Variants in EXD3 observed in about 807,000 individuals in gnomAD.
EXD3 encodes exonuclease mut-7 homolog.
Under a neutral mutation model 98.0 loss-of-function variants are expected in EXD3, and 92 were observed. The observed-to-expected ratio is 0.94, with a 90% CI of 0.79 to 1.12. The LOEUF (loss-of-function observed/expected upper bound fraction) is 1.12. Ranked by LOEUF, EXD3 falls within the 50% of genes most tolerant of loss-of-function variation. The pLI is 0.00. For missense variants in EXD3, 1,222 were observed against 1,191.6 expected (o/e 1.03, Z -0.38); for synonymous variants, 569 against 526.0 (o/e 1.08, Z -1.12).
chr9:137,309,384 TACC>T (rs1411353515), intron 20 of EXD3, among the ~76,000 whole-genome samples: 2 of 152,190 alleles, frequency 1.3e-5, no homozygotes, highest in African/African-American at 2.4e-5. Context: ...TCTGGTCTGC[TACC>T]ACACAGAAGG....
intron 1 of EXD3, among the ~76,000 whole-genome samples, chr9:137,411,736 AG>A (rs1223017710): frequency 0.057 from 199 of 3,466 alleles, 1 homozygote; most frequent in African/African-American, 0.16. Context: ...GGGGAGGGGG[AG>A]GGGGTGGGGG....
chr9:137,408,671 C>T (rs2131817836), intron 1 of EXD3, among the ~76,000 whole-genome samples: 1 of 152,174 alleles, frequency 6.6e-6, no homozygotes, highest in East Asian at 1.9e-4. Context: ...GCCCCTCAGA[C>T]CAATGGTAAC....
At chr9:137,419,966 T>G (rs1022551405) in intron 1 of EXD3, among the ~76,000 whole-genome samples, 2 of 152,084 alleles carry the variant, frequency 1.3e-5, no homozygotes, top group African/African-American at 2.4e-5. Flanking sequence ...GAGACCATCC[T>G]GGCTAATACG....
intron 17 of EXD3, among the ~76,000 whole-genome samples, chr9:137,332,020 T>C (rs1359824079): frequency 1.3e-5 from 2 of 152,106 alleles, no homozygotes; most frequent in Non-Finnish European, 2.9e-5. Context: ...AACCTAGGAA[T>C]GTACTTAACC....
chr9:137,377,445 TAAAAAAAAA>T (rs60776134), intron 3 of EXD3, among the ~76,000 whole-genome samples: 1 of 94,490 alleles, frequency 1.1e-5, no homozygotes, highest in Non-Finnish European at 2.2e-5. Context: ...ACTCTGTCTC[TAAAAAAAAA>T]AAAAAAAAGG....
chr9:137,330,480 A>G (rs1402242175), intron 17 of EXD3, among the ~76,000 whole-genome samples: 3 of 142,524 alleles, frequency 2.1e-5, no homozygotes, highest in African/African-American at 5.6e-5. Flanking sequence ...CAAAGGAGCT[A>G]CACAGGAGCT....
Position 137,354,342 on chromosome 9 carries a change from CACATGGT to C in EXD3, c.860_866del (p.Asp287GlyfsTer68). Reference sequence around the variant, plus strand: ...ACAGGCAAGGGCACGAACTCACCTGCACATGGTCGGTCCAGTTCTCCTGTGACAGGCT... The same window carrying C: ...ACAGGCAAGGGCACGAACTCACCTGCCGGTCCAGTTCTCCTGTGACAGGCT... On this transcript the variant is annotated frameshift_variant, in exon 10 of 22. Coordinates refer to ENST00000340951, the MANE Select transcript of EXD3 (RefSeq NM_017820.5). LOFTEE classifies it high-confidence loss of function. 1 of 1,612,386 alleles carries C rather than the reference CACATGGT, an allele frequency of 6.2e-7. No individual in the cohort carries two copies.
At chr9:137,348,442 T>TG (rs1365491088) in intron 16 of EXD3, among the ~76,000 whole-genome samples, 1 of 103,942 alleles carries the variant, frequency 9.6e-6, no homozygotes, top group Non-Finnish European at 1.9e-5. Context: ...GTGCTCATGC[T>TG]GGGGGGGCTC....
chr9:137,421,188 G>A (rs1267271966), intron 1 of EXD3, among the ~76,000 whole-genome samples: 5 of 152,128 alleles, frequency 3.3e-5, no homozygotes, highest in South Asian at 4.1e-4. Context: ...CATGTGTAGG[G>A]TCTGTCTCCT....
At chr9:137,399,931 G>A (rs1404220210) in intron 1 of EXD3, among the ~76,000 whole-genome samples, 5 of 151,816 alleles carry the variant, frequency 3.3e-5, no homozygotes, top group Admixed American at 2.0e-4. Context: ...CTCAGGAGGC[G>A]GAGAAAGGCG....
chr9:137,371,038 G>T lies in EXD3; in HGVS notation c.462+1867C>A, dbSNP rs1047640490. On this transcript the variant is annotated intron_variant, in intron 5 of 21. Transcript: ENST00000340951. The surrounding 1 kb of genome is among the most constrained non-coding windows in gnomAD (Gnocchi z 8.0). ...AGCAGTGGAGCATGCATCGCCTGCC[G>T]GGCGGCCCCGCTCGGGGACAATGGC... is the stretch of plus-strand genomic sequence containing the variant. Among the ~76,000 whole-genome samples, 2 of 152,172 alleles carry T rather than the reference G, an allele frequency of 1.3e-5. No individual in the cohort carries two copies. The highest frequency in any genetic ancestry group is 4.8e-5 in the African/African-American group (2 of 41,444).
At chr9:137,399,054 C>T (rs189200533) in intron 1 of EXD3, among the ~76,000 whole-genome samples, 1 of 152,194 alleles carries the variant, frequency 6.6e-6, no homozygotes, top group Admixed American at 6.5e-5. Flanking sequence ...ACAGACTGTC[C>T]CTGTGGCACA....
chr9:137,308,375 C>T (rs529524241), intron 20 of EXD3, among the ~76,000 whole-genome samples: 3 of 152,130 alleles, frequency 2.0e-5, no homozygotes, highest in African/African-American at 7.2e-5. Context: ...AGGCCATGAC[C>T]CTCATCTGGC....
rs749776822 is a variant in EXD3 at position 137,351,394 on chromosome 9, T to C, written c.1308A>G (p.Pro436=). 1.2e-6 allele frequency: 2 copies of C among 1,610,540 alleles called. No homozygotes were observed. The highest frequency in any genetic ancestry group is 1.7e-4 in the Middle Eastern group (1 of 6,052). ...AGGCCTGGGCTCCCTGCCCTGTTGG[T>C]GGCTGCGAGAGTGCCAGGACGTCCA... ...FLLDVLALSQ[P]PTGQGAQAFS... The change falls in exon 13 of 22, where the codon CCA becomes CCG. Residue 436 remains proline, a synonymous_variant. Transcript: ENST00000340951.
chr9:137,373,659 C>T, intron 3 of EXD3, 60 bp from the exon 4 acceptor site: 1 of 1,498,798 alleles, frequency 6.7e-7, no homozygotes, highest in East Asian at 2.4e-5. Context: ...CCTGGCAAGG[C>T]CTCCCCACCG....
At chr9:137,412,858 G>C (rs926011492) in intron 1 of EXD3, among the ~76,000 whole-genome samples, 1 of 151,644 alleles carries the variant, frequency 6.6e-6, no homozygotes, top group African/African-American at 2.4e-5. Context: ...GCTCACGGCA[G>C]CCTCAATCTC....
Position 137,324,047 on chromosome 9 carries a change from A to C in EXD3, c.2052+43T>G. The stretch of plus-strand genomic sequence containing the variant: ...TGGCCGAGGGGCTGGGGGCTTGGGA[A>C]GATGGGGCTCAGGCCCACTGAGCTT... On this transcript the variant is annotated intron_variant, in intron 18 of 21. Coordinates refer to ENST00000340951, the MANE Select transcript of EXD3 (RefSeq NM_017820.5). The surrounding 1 kb of genome is among the most constrained non-coding windows in gnomAD (Gnocchi z 4.1). 6.4e-7 allele frequency: 1 copy of C among 1,562,010 alleles called. No homozygotes were observed. The highest frequency in any genetic ancestry group is 8.7e-7 in the Non-Finnish European group (1 of 1,152,764).
In EXD3 at chr9:137,307,176, G is replaced by A. The variant is rs769199276; in HGVS notation, c.2405C>T (p.Pro802Leu). ...CCGGGTGCCGTCGGCCAGCATGTCC[G>A]GTGTCTCCGCCCGCAGGTCAGCCAT... ...LQMADLRAET[P>L]DMLADGTRLQ... is the part of the protein sequence containing the mutation. Residue 802 changes from proline (P) to leucine (L), a missense_variant, in exon 22 of 22, where the codon CCG becomes CTG. Pro to Leu is a moderately conservative substitution (Grantham distance 98). Transcript: ENST00000340951. 7 of 1,586,688 alleles carry A rather than the reference G, an allele frequency of 4.4e-6. No homozygotes were observed. Among genetic ancestry groups the A allele is most frequent in the South Asian group, 2.3e-5 (2 of 87,872 alleles).
intron 5 of EXD3, among the ~76,000 whole-genome samples, chr9:137,369,195 C>T (rs572991047): frequency 2.6e-5 from 3 of 115,312 alleles, no homozygotes; most frequent in Admixed American, 1.7e-4. Flanking sequence ...GGGAGGGGCA[C>T]GGGGCCACCA....
Sources: gnomAD v4.1 joint callset for allele counts (sites outside exome capture counted in the v4.1 genomes callset) on GRCh38, gnomAD v4.1.1 for gene constraint, Gnocchi (gnomAD v3.1) non-coding constraint, MANE v1.5 for transcripts, NCBI Gene and HGNC (gene_info 2026-07-23, HGNC 2026-07-21) for gene names.